The following CMIP variants were observed in gnomAD, a reference collection of about 807,000 sequenced individuals.
CMIP encodes the protein c-Maf inducing protein.
CMIP carries 13 observed loss-of-function variants against 97.3 expected under a neutral mutation model. The observed-to-expected ratio is 0.13, with a 90% CI of 0.09 to 0.21. The LOEUF (loss-of-function observed/expected upper bound fraction) is 0.21, where lower values mean the gene tolerates loss of function less well. Ranked by LOEUF, CMIP falls within the 10% of genes least tolerant of loss-of-function variation. The pLI, the probability that CMIP is intolerant of heterozygous loss-of-function variation, is 1.00. For synonymous variants in CMIP, 538 were observed against 436.3 expected (o/e 1.23, Z -2.91); for missense variants, 847 against 1,024.9 (o/e 0.83, Z 2.37).
At chr16:81,461,469 T>G (rs1479044635) in intron 1 of CMIP, among the ~76,000 whole-genome samples, 1 of 152,214 alleles carries the variant, frequency 6.6e-6, no homozygotes, top group Admixed American at 6.5e-5. Flanking sequence ...CCTAGCGTAA[T>G]TAGTCTTCCC....
intron 5 of CMIP, among the ~76,000 whole-genome samples, chr16:81,660,343 G>T (rs1285959619): frequency 6.6e-6 from 1 of 151,366 alleles, no homozygotes; most frequent in Non-Finnish European, 1.5e-5. Context: ...GCAGGAACTC[G>T]GCTCACTGCA....
rs770545779 is a variant in CMIP, at chr16:81,611,310, G to C, written c.426+3618G>C. The C allele has an allele frequency of 3.9e-5, 6 of 152,332 alleles. 1 individual carries two copies. Among genetic ancestry groups the C allele is most frequent in the African/African-American group, 1.4e-4 (6 of 41,558 alleles). 9.4% of individuals were successfully genotyped at this position (152,332 alleles called of 1,614,324 possible). A position where few individuals can be genotyped will look rare whatever the true frequency, so the allele number is the denominator to read the frequency against. Reference sequence around the variant, plus strand: ...CTGCAGGCACCTGAGCCCCTCCTGGGGCGAATCACGTCAGATCACAGGGGG... The same window carrying C: ...CTGCAGGCACCTGAGCCCCTCCTGGCGCGAATCACGTCAGATCACAGGGGG... On this transcript the variant is annotated intron_variant, in intron 2 of 20. Transcript: ENST00000537098.
rs769052151 is a variant in CMIP, at chr16:81,673,714, C to T, written c.1034+1644C>T. On this transcript the variant is annotated intron_variant, in intron 9 of 20. Coordinates refer to ENST00000537098, the MANE Select transcript of CMIP (RefSeq NM_198390.3). Reference sequence around the variant, plus strand: ...TCCCTCGCTGGCTGAGAACTGCTCCCGGGATGCAGACTAATGCAGATGCCA... The same window carrying T: ...TCCCTCGCTGGCTGAGAACTGCTCCTGGGATGCAGACTAATGCAGATGCCA... Among the ~76,000 whole-genome samples, 7 of 152,176 alleles carry T rather than the reference C, an allele frequency of 4.6e-5. No homozygotes were observed. The East Asian group carries it at 5.8e-4, about 13-fold the overall frequency.
intron 1 of CMIP, 104 bp downstream of exon 1, chr16:81,445,645 G>A: frequency 1.6e-6 from 2 of 1,284,870 alleles, no homozygotes; most frequent in Non-Finnish European, 2.1e-6. Context: ...GGCCTGGGGG[G>A]CGGTGGGGGG....
At chr16:81,610,579 C>T in intron 2 of CMIP, 2 of 975,382 alleles carry the variant, frequency 2.1e-6, no homozygotes, top group Non-Finnish European at 1.2e-6. Flanking sequence ...GTGGTTCTCT[C>T]CCTGGCTGCC....
chr16:81,675,370 A>AT (rs35314200), intron 9 of CMIP, among the ~76,000 whole-genome samples: 292 of 123,356 alleles, frequency 2.4e-3, no homozygotes, highest in East Asian at 9.3e-3. Flanking sequence ...CACCTGGCTA[A>AT]TTTTTTTTTT....
At chr16:81,645,297 G>C in intron 3 of CMIP, 1 of 1,118,970 alleles carries the variant, frequency 8.9e-7, no homozygotes, top group Non-Finnish European at 1.2e-6. Context: ...GCAGTGCCAT[G>C]GGCGCGCCCG....
Position 81,710,268 on chromosome 16 carries a change from A to T in CMIP, c.*469A>T, listed in dbSNP as rs961017361. ...TGGGACAAGAAGACCCAGTCACATC[A>T]CTGCACCCGTCCTGTGTCCTCACCA... On this transcript the variant is annotated 3_prime_UTR_variant, in exon 21 of 21. Coordinates refer to ENST00000537098, the MANE Select transcript of CMIP (RefSeq NM_198390.3). 5.1e-6 allele frequency: 1 copy of T among 196,286 alleles called. No homozygotes were observed. Among genetic ancestry groups the T allele is most frequent in the Admixed American group, 5.3e-5 (1 of 18,758 alleles). 12.2% of individuals were successfully genotyped at this position (196,286 alleles called of 1,614,324 possible).
chr16:81,563,282 G>A (rs1336602813), intron 1 of CMIP, among the ~76,000 whole-genome samples: 1 of 152,202 alleles, frequency 6.6e-6, no homozygotes, highest in Non-Finnish European at 1.5e-5. Flanking sequence ...TCTTGGCTTG[G>A]GGATCATGGG....
At chr16:81,601,750 G>A (rs1430769039) in intron 1 of CMIP, among the ~76,000 whole-genome samples, 3 of 152,210 alleles carry the variant, frequency 2.0e-5, no homozygotes, top group African/African-American at 7.2e-5. Context: ...GTCCCCCGGG[G>A]CCAGAACCCC....
chr16:81,616,099 C>T lies in CMIP; in HGVS notation c.427-4777C>T, dbSNP rs1311636820. On this transcript the variant is annotated intron_variant, in intron 2 of 20. Transcript: ENST00000537098. The surrounding 1 kb of genome is among the most constrained non-coding windows in gnomAD (Gnocchi z 4.7). ...AGGAGAGTTCCGCATCGAGACTGTC[C>T]TCAGCCCGGCATCTCTGTGCCTTGC... 1.3e-5 allele frequency among the ~76,000 whole-genome samples: 2 copies of T among 151,924 alleles called. No individual in the cohort carries two copies. Among genetic ancestry groups the T allele is most frequent in the Non-Finnish European group, 2.9e-5 (2 of 68,014 alleles).
Position 81,683,853 on chromosome 16 carries a change from G to A in CMIP, c.1388+5225G>A, listed in dbSNP as rs183849939. Among the ~76,000 whole-genome samples, 14 of 130,306 alleles carry A rather than the reference G, an allele frequency of 1.1e-4. 1 individual carries two copies. The Admixed American group carries it at 1.1e-3, about 11-fold the overall frequency. 85.5% of individuals were successfully genotyped at this position (130,306 alleles called of 152,430 possible). On this transcript the variant is annotated intron_variant, in intron 10 of 20. Coordinates refer to ENST00000537098, the MANE Select transcript of CMIP (RefSeq NM_198390.3). ...CTCAGCTCACTGCAACCTCTGCCTCGCGGGTTCAAGCCATTCTCCTGCCTC... is the reference window on the plus strand; with the variant it reads ...CTCAGCTCACTGCAACCTCTGCCTCACGGGTTCAAGCCATTCTCCTGCCTC...
chr16:81,641,414 T>A (rs1193505077), intron 3 of CMIP, among the ~76,000 whole-genome samples: 3 of 152,006 alleles, frequency 2.0e-5, no homozygotes, highest in African/African-American at 2.4e-5. Flanking sequence ...AACAGCTACA[T>A]ACAATTTTTT....
At chr16:81,497,947 A>T (rs900589585) in intron 1 of CMIP, among the ~76,000 whole-genome samples, 1 of 151,788 alleles carries the variant, frequency 6.6e-6, no homozygotes, top group African/African-American at 2.4e-5. Context: ...GTGCCTGCCG[A>T]CTCTCCGGTG....
At chr16:81,533,520 C>T (rs2090282136) in intron 1 of CMIP, among the ~76,000 whole-genome samples, 1 of 151,926 alleles carries the variant, frequency 6.6e-6, no homozygotes, top group African/African-American at 2.4e-5. Flanking sequence ...TTTTTGTCAC[C>T]CAGGCTGGCA....
At chr16:81,694,621 C>T (rs899971711) in intron 13 of CMIP, among the ~76,000 whole-genome samples, 3 of 152,216 alleles carry the variant, frequency 2.0e-5, no homozygotes, top group African/African-American at 4.8e-5. Context: ...AACTATATTA[C>T]CTGAGGAGCT....
At chr16:81,537,828 G>A (rs1437021822) in intron 1 of CMIP, among the ~76,000 whole-genome samples, 1 of 152,250 alleles carries the variant, frequency 6.6e-6, no homozygotes, top group Non-Finnish European at 1.5e-5. Context: ...GGTATGAAGT[G>A]GCAGCAAGAG....
chr16:81,558,822 C>T (rs965385462), intron 1 of CMIP, among the ~76,000 whole-genome samples: 7 of 152,220 alleles, frequency 4.6e-5, no homozygotes, highest in Admixed American at 2.0e-4. Context: ...AGAGTGGCTG[C>T]GCACAGTAGG....
intron 1 of CMIP, among the ~76,000 whole-genome samples, chr16:81,531,355 C>A (rs1334609898): frequency 6.6e-6 from 1 of 152,184 alleles, no homozygotes; most frequent in Non-Finnish European, 1.5e-5. Flanking sequence ...GGAAATCAAC[C>A]CTGTTGACAT....
Sources: gnomAD v4.1 joint callset for allele counts (sites outside exome capture counted in the v4.1 genomes callset) on GRCh38, gnomAD v4.1.1 for gene constraint, Gnocchi (gnomAD v3.1) non-coding constraint, MANE v1.5 for transcripts, NCBI Gene and HGNC (gene_info 2026-07-23, HGNC 2026-07-21) for gene names.